The following OSGIN2 variants were observed in gnomAD, a reference collection of about 807,000 sequenced individuals.
OSGIN2 encodes the protein oxidative stress induced growth inhibitor family member 2.
In OSGIN2, 19 loss-of-function variants were observed where a neutral mutation model predicts 53.8. That is an observed-to-expected ratio of 0.35 (90% confidence interval 0.25 to 0.52). OSGIN2 has a LOEUF of 0.52. Ranked by LOEUF, OSGIN2 falls within the 20% of genes least tolerant of loss-of-function variation. The probability of loss-of-function intolerance (pLI) is 0.95; values close to 1 mark genes in which losing one functional copy is unlikely to be tolerated. For missense variants in OSGIN2, 520 were observed against 662.7 expected (o/e 0.78, Z 2.36); for synonymous variants, 236 against 236.0 (o/e 1.00, Z 0.00).
intron 2 of OSGIN2, among the ~76,000 whole-genome samples, chr8:89,913,672 C>T (rs1016578969): frequency 7.2e-5 from 11 of 152,092 alleles, no homozygotes; most frequent in African/African-American, 2.4e-4. Flanking sequence ...TTGCTAGTAC[C>T]ATACTTTGAG....
rs1809292512 is a variant in OSGIN2, at chr8:89,925,143, A to T, written c.1261A>T (p.Ser421Cys). Residue 421 changes from serine to cysteine, a missense_variant, in exon 6 of 6, where the codon AGC (serine) becomes TGC (cysteine). Ser to Cys is a moderately radical substitution (Grantham distance 112). Coordinates refer to ENST00000451899, the MANE Select transcript of OSGIN2 (RefSeq NM_001126111.3). ...CTCAAATCTTTTATCTGATTATACC[A>T]GCTTTCCCGAGCACCGTGTGCTTTC... ...VDSNLLSDYT[S>C]FPEHRVLSFK... 1 of 1,614,030 alleles carries T rather than the reference A, an allele frequency of 6.2e-7. No individual in the cohort carries two copies. Among genetic ancestry groups the T allele is most frequent in the African/African-American group, 1.3e-5 (1 of 75,056 alleles).
intron 1 of OSGIN2, among the ~76,000 whole-genome samples, chr8:89,909,200 C>T (rs535673112): frequency 6.6e-6 from 1 of 151,564 alleles, no homozygotes; most frequent in Admixed American, 6.6e-5. Flanking sequence ...TTTTAGTGCA[C>T]TCACCTTTTA....
In OSGIN2 at chr8:89,902,696, C is replaced by A. The variant is rs177539; in HGVS notation, c.-98C>A. ...AGGCAGGGGCGCCCGGCAGACCCCG[C>A]GACCCCGAGCCAGCGGGCGCCCCGA... is the stretch of plus-strand genomic sequence containing the variant. On this transcript the variant is annotated 5_prime_UTR_variant, in exon 1 of 6. Transcript: ENST00000451899. 2 of 472,192 alleles carry A rather than the reference C, an allele frequency of 4.2e-6. No individual in the cohort carries two copies. The highest frequency in any genetic ancestry group is 2.8e-6 in the Non-Finnish European group (1 of 356,222). The allele number at this position is 472,192 out of a possible 1,614,324, so 29.3% of individuals were successfully genotyped here.
chr8:89,904,233 A>T (rs1054885198), intron 1 of OSGIN2, among the ~76,000 whole-genome samples: 1 of 152,250 alleles, frequency 6.6e-6, no homozygotes, highest in Non-Finnish European at 1.5e-5. Context: ...GAAACTTGTT[A>T]AACTAAATAA....
Position 89,909,569 on chromosome 8 carries a change from A to G in OSGIN2, c.47A>G (p.Asn16Ser). The G allele has an allele frequency of 1.3e-6, 2 of 1,502,702 alleles. No individual in the cohort carries two copies. The highest frequency in any genetic ancestry group is 4.8e-5 in the East Asian group (2 of 42,048). 93.1% of individuals were successfully genotyped at this position (1,502,702 alleles called of 1,614,324 possible). The change falls in exon 2 of 6, where the codon AAC (asparagine) becomes AGC (serine). Residue 16 changes from asparagine to serine, a missense_variant and splice_region_variant. Coordinates refer to ENST00000451899, the MANE Select transcript of OSGIN2 (RefSeq NM_001126111.3). ...CRCSLAGHFRNYSDTETEGEI... is the reference protein window; with the variant it reads ...CRCSLAGHFRSYSDTETEGEI... ...TTCCCCCTTTTTTTTTTTTAAAGAA[A>G]CTATAGTGACACTGAAACTGAAGGA...
Position 89,909,736 on chromosome 8 carries a change from T to C in OSGIN2, c.199+15T>C. 6.5e-7 allele frequency: 1 copy of C among 1,526,912 alleles called. No individual in the cohort carries two copies. The highest frequency in any genetic ancestry group is 9.0e-7 in the Non-Finnish European group (1 of 1,112,626). The allele number at this position is 1,526,912 out of a possible 1,614,324, so 94.6% of individuals were successfully genotyped here. A position where few individuals can be genotyped will look rare whatever the true frequency, so the allele number is the denominator to read the frequency against. On this transcript the variant is annotated intron_variant, in intron 2 of 5. Transcript: ENST00000451899. ...GGTAATAATAGGTAAGTTATTGTAT[T>C]TTATCTTTTAAAATTATAGTTAATG...
At chr8:89,912,423 T>C (rs1230749447) in intron 2 of OSGIN2, among the ~76,000 whole-genome samples, 1 of 152,136 alleles carries the variant, frequency 6.6e-6, no homozygotes, top group Non-Finnish European at 1.5e-5. Context: ...GGCCAGCCCA[T>C]GTGAGAGAAC....
At chr8:89,911,933 G>A (rs375560867) in intron 2 of OSGIN2, among the ~76,000 whole-genome samples, 9 of 115,450 alleles carry the variant, frequency 7.8e-5, no homozygotes, top group African/African-American at 3.7e-4. Flanking sequence ...GCGAGACTCC[G>A]TCTCAAAAAA....
intron 1 of OSGIN2, among the ~76,000 whole-genome samples, chr8:89,908,803 A>G (rs1808892617): frequency 6.6e-6 from 1 of 151,798 alleles, no homozygotes; most frequent in Non-Finnish European, 1.5e-5. Context: ...TTATTTTAAT[A>G]TATTTTTGAA....
chr8:89,905,240 G>T (rs1808814143), intron 1 of OSGIN2, among the ~76,000 whole-genome samples: 1 of 151,986 alleles, frequency 6.6e-6, no homozygotes, highest in Admixed American at 6.5e-5. Context: ...CATCTTAAAT[G>T]TCAAATAGGC....
chr8:89,921,028 CA>C, intron 4 of OSGIN2, 51 bp from the exon 5 acceptor site: 1 of 1,091,268 alleles, frequency 9.2e-7, no homozygotes, highest in South Asian at 1.4e-5. Flanking sequence ...CAAAAAAAAC[CA>C]TGTTACTTCT....
At position 89,925,275 on chromosome 8, in the gene OSGIN2, T is replaced by A. The variant is rs1366107933; in HGVS notation, c.1393T>A (p.Phe465Ile). The part of the protein sequence containing the change: ...VLIGSHPNLS[F>I]LKDQGCYLGH... Reference sequence around the variant, plus strand: ...GATAGGTTCTCATCCTAATCTGTCTTTTCTGAAGGATCAAGGGTGTTACCT... The same window carrying A: ...GATAGGTTCTCATCCTAATCTGTCTATTCTGAAGGATCAAGGGTGTTACCT... Residue 465 changes from phenylalanine (F) to isoleucine (I), a missense_variant, in exon 6 of 6, where the codon TTT becomes ATT. Physicochemically the swap from Phe to Ile is conservative, Grantham distance 21 (BLOSUM62 0). Around this residue, in one of 3 missense-constraint regions of OSGIN2, gnomAD observed 239 missense variants for 328.3 expected, o/e 0.73. Coordinates refer to ENST00000451899, the MANE Select transcript of OSGIN2 (RefSeq NM_001126111.3). The A allele has an allele frequency of 2.8e-5, 45 of 1,614,066 alleles. No homozygotes were observed. The highest frequency in any genetic ancestry group is 3.6e-5 in the Non-Finnish European group (43 of 1,180,022).
chr8:89,908,077 C>G (rs925681301), intron 1 of OSGIN2, among the ~76,000 whole-genome samples: 2 of 151,984 alleles, frequency 1.3e-5, no homozygotes, highest in African/African-American at 4.8e-5. Flanking sequence ...TGGAGAAATA[C>G]CAGGGACAGA....
rs1809084004 is a variant in OSGIN2, at chr8:89,916,594, G to A, written c.528+1848G>A. ...ATTAACCTGAGTTGTGACTTAAGAC[G>A]TAAACTCCTTGAGTCATCACCCCTC... On this transcript the variant is annotated intron_variant, in intron 4 of 5. Coordinates refer to ENST00000451899, the MANE Select transcript of OSGIN2 (RefSeq NM_001126111.3). Among the ~76,000 whole-genome samples, 6 of 152,208 alleles carry A rather than the reference G, an allele frequency of 3.9e-5. 1 individual carries two copies. The highest frequency in any genetic ancestry group is 3.4e-3 in the Middle Eastern group (1 of 294).
chr8:89,913,986 GA>G (rs1225399362), intron 2 of OSGIN2, 90 bp from the exon 3 acceptor site: 2 of 1,063,188 alleles, frequency 1.9e-6, no homozygotes, highest in African/African-American at 3.2e-5. Flanking sequence ...ACTGGTCAGA[GA>G]AAAGAGCCAT....
At chr8:89,904,578 T>C (rs1314608164) in intron 1 of OSGIN2, among the ~76,000 whole-genome samples, 3 of 152,186 alleles carry the variant, frequency 2.0e-5, no homozygotes, top group African/African-American at 7.2e-5. Context: ...GTTTCTGATT[T>C]ACCAGTGCTA....
intron 1 of OSGIN2, among the ~76,000 whole-genome samples, chr8:89,908,446 G>C (rs1246157680): frequency 6.6e-6 from 1 of 152,142 alleles, no homozygotes; most frequent in African/African-American, 2.4e-5. Context: ...AGAAATGCCT[G>C]TCTCTGCCTG....
chr8:89,910,982 C>A (rs1748307257), intron 2 of OSGIN2, among the ~76,000 whole-genome samples: 1 of 152,288 alleles, frequency 6.6e-6, no homozygotes, highest in African/African-American at 2.4e-5. Flanking sequence ...TGGCTTTAAA[C>A]AATGTGAATG....
Position 89,925,479 on chromosome 8 carries a change from CAGA to C in OSGIN2, c.1602_1604del (p.Lys536del), listed in dbSNP as rs1172177888. 19 of 1,613,854 alleles carry C rather than the reference CAGA, an allele frequency of 1.2e-5. No homozygotes were observed. Among genetic ancestry groups the C allele is most frequent in the Non-Finnish European group, 1.6e-5 (19 of 1,179,944 alleles). On this transcript the variant is annotated inframe_deletion, in exon 6 of 6. Transcript: ENST00000451899. ...TGTTACACGCTGTTTAGCTACAAGA[CAGA>C]AGAAAAAGCATTTGTTTGTTGAAAG... is the stretch of plus-strand genomic sequence containing the variant.
Sources: gnomAD v4.1 joint callset for allele counts (sites outside exome capture counted in the v4.1 genomes callset) on GRCh38, gnomAD v4.1.1 for gene constraint, gnomAD v4.1.1 regional missense constraint, MANE v1.5 for transcripts, NCBI Gene and HGNC (gene_info 2026-07-23, HGNC 2026-07-21) for gene names.